DPYD: variants seen among roughly 807,000 people sequenced by gnomAD.
DPYD encodes the protein dihydropyrimidine dehydrogenase [NADP(+)].
A neutral mutation model predicts 116.2 loss-of-function variants in DPYD; 109 were observed. The ratio of observed to expected loss-of-function variants is 0.94; its 90% CI spans 0.80 to 1.10. The LOEUF (loss-of-function observed/expected upper bound fraction) is 1.10, where lower values mean the gene tolerates loss of function less well. Among genes scored for constraint, DPYD ranks in the 50% least tolerant of loss-of-function variants. DPYD has a pLI of 0.00. For missense variants in DPYD, 1,302 were observed against 1,254.5 expected (o/e 1.04, Z -0.57); for synonymous variants, 440 against 432.0 (o/e 1.02, Z -0.23).
At chr1:97,217,835 A>G (rs764461520) in intron 19 of DPYD, among the ~76,000 whole-genome samples, 9 of 152,164 alleles carry the variant, frequency 5.9e-5, no homozygotes, top group Non-Finnish European at 1.2e-4. Flanking sequence ...GCGGGGCAAC[A>G]CCAGGGTGGC....
chr1:97,771,092 T>G (rs546326043), intron 3 of DPYD, among the ~76,000 whole-genome samples: 1 of 151,644 alleles, frequency 6.6e-6, no homozygotes, highest in African/African-American at 2.4e-5. Context: ...CTGAGGCGGG[T>G]GGATCACCTG....
intron 3 of DPYD, among the ~76,000 whole-genome samples, chr1:97,758,650 C>A (rs1268246373): frequency 6.6e-6 from 1 of 152,236 alleles, no homozygotes; most frequent in East Asian, 1.9e-4. Context: ...GCTTCTCCAC[C>A]CTGTAGTTCT....
At chr1:97,808,983 G>T (rs188388525) in intron 3 of DPYD, among the ~76,000 whole-genome samples, 18 of 152,162 alleles carry the variant, frequency 1.2e-4, no homozygotes, top group African/African-American at 4.1e-4. Context: ...ATTTCTCAAT[G>T]TTTAGACCAG....
At chr1:97,227,767 C>T (rs11165810) in intron 19 of DPYD, among the ~76,000 whole-genome samples, 18,092 of 151,410 alleles carry the variant, frequency 0.12, 2,042 homozygotes, top group East Asian at 0.29. Flanking sequence ...CACTATATAC[C>T]GAAGTATGTT....
At chr1:97,169,929 T>C (rs760612055) in intron 20 of DPYD, among the ~76,000 whole-genome samples, 9 of 152,128 alleles carry the variant, frequency 5.9e-5, no homozygotes, top group Non-Finnish European at 1.3e-4. Context: ...ACCCCAACCA[T>C]GGTATTTATA....
chr1:97,737,678 C>A (rs1417232308), intron 4 of DPYD, among the ~76,000 whole-genome samples: 1 of 152,060 alleles, frequency 6.6e-6, no homozygotes, highest in African/African-American at 2.4e-5. Flanking sequence ...TACATTTCTG[C>A]TTTTCTGCTT....
intron 5 of DPYD, among the ~76,000 whole-genome samples, chr1:97,702,984 A>G (rs1214576547): frequency 1.3e-5 from 2 of 151,962 alleles, no homozygotes; most frequent in African/African-American, 2.4e-5. Context: ...TACACATAGC[A>G]TATGTGCACA....
chr1:97,297,367 C>T (rs1436443220), intron 18 of DPYD, among the ~76,000 whole-genome samples: 2 of 152,118 alleles, frequency 1.3e-5, no homozygotes, highest in African/African-American at 4.8e-5. Flanking sequence ...CACTTAAGGA[C>T]CTCTTGGAAT....
At chr1:97,775,441 A>G (rs1571337666) in intron 3 of DPYD, among the ~76,000 whole-genome samples, 2 of 152,188 alleles carry the variant, frequency 1.3e-5, no homozygotes, top group Admixed American at 1.3e-4. Flanking sequence ...GACTTTTCTT[A>G]ATTGCTGTAG....
intron 1 of DPYD, among the ~76,000 whole-genome samples, chr1:97,886,941 A>G (rs1161420966): frequency 6.6e-6 from 1 of 151,988 alleles, no homozygotes; most frequent in Admixed American, 6.6e-5. Flanking sequence ...TAACTGAATC[A>G]CACTGTGGAA....
chr1:97,898,200 G>A (rs897646512), intron 1 of DPYD, among the ~76,000 whole-genome samples: 1 of 148,102 alleles, frequency 6.8e-6, no homozygotes, highest in South Asian at 2.2e-4. Flanking sequence ...TAGTTCCGTC[G>A]GACTGTTCTT....
intron 3 of DPYD, among the ~76,000 whole-genome samples, chr1:97,805,826 C>T (rs915620063): frequency 6.6e-6 from 1 of 151,762 alleles, no homozygotes; most frequent in African/African-American, 2.4e-5. Context: ...AGAACAAACA[C>T]ATCTGTTTCC....
intron 15 of DPYD, among the ~76,000 whole-genome samples, chr1:97,374,321 A>C (rs188441480): frequency 4.6e-5 from 7 of 152,346 alleles, no homozygotes; most frequent in Admixed American, 3.9e-4. Context: ...ATCTTGTATA[A>C]ATGAACAACA....
intron 16 of DPYD, among the ~76,000 whole-genome samples, chr1:97,351,095 G>A (rs1338136173): frequency 6.6e-6 from 1 of 152,036 alleles, no homozygotes; most frequent in Non-Finnish European, 1.5e-5. Flanking sequence ...AAGTGTCCCC[G>A]TTATCACATT....
At chr1:97,139,225 A>G (rs1242938282) in intron 20 of DPYD, among the ~76,000 whole-genome samples, 1 of 152,158 alleles carries the variant, frequency 6.6e-6, no homozygotes, top group Non-Finnish European at 1.5e-5. Flanking sequence ...CAAGTCAGTC[A>G]TGGTGCCTCA....
At chr1:97,503,953 T>C (rs1473620186) in intron 13 of DPYD, among the ~76,000 whole-genome samples, 2 of 152,000 alleles carry the variant, frequency 1.3e-5, no homozygotes, top group Non-Finnish European at 2.9e-5. Context: ...TAAGGGGCAT[T>C]GAGATAAATC....
intron 18 of DPYD, among the ~76,000 whole-genome samples, chr1:97,275,075 C>A (rs773553778): frequency 1.3e-5 from 2 of 151,966 alleles, no homozygotes; most frequent in Non-Finnish European, 2.9e-5. Context: ...GGTATAGAAG[C>A]AAGAGCAACC....
chr1:97,730,522 C>A (rs1489968173), intron 4 of DPYD, among the ~76,000 whole-genome samples: 1 of 151,934 alleles, frequency 6.6e-6, no homozygotes, highest in Non-Finnish European at 1.5e-5. Flanking sequence ...CTGCACCTGG[C>A]CTACTTATCC....
chr1:97,327,035 T>G (rs1041081755), intron 16 of DPYD, among the ~76,000 whole-genome samples: 1 of 152,060 alleles, frequency 6.6e-6, no homozygotes, highest in Admixed American at 6.6e-5. Context: ...ATTCTTACAA[T>G]GTGAAACCAG....
Sources: gnomAD v4.1 joint callset for allele counts (sites outside exome capture counted in the v4.1 genomes callset) on GRCh38, gnomAD v4.1.1 for gene constraint, MANE v1.5 for transcripts, NCBI Gene and HGNC (gene_info 2026-07-23, HGNC 2026-07-21) for gene names.